CHST9: variants seen among roughly 807,000 people sequenced by gnomAD.
The protein encoded by CHST9 is GalNAc-4-sulfotransferase 2.
CHST9 carries 41 observed loss-of-function variants against 44.4 expected under a neutral mutation model. The ratio of observed to expected loss-of-function variants is 0.92; its 90% CI spans 0.72 to 1.20. The LOEUF (loss-of-function observed/expected upper bound fraction) is 1.20. Among genes scored for constraint, CHST9 ranks in the 50% most tolerant of loss-of-function variants. The pLI, the probability that CHST9 is intolerant of heterozygous loss-of-function variation, is 0.00. For synonymous variants in CHST9, 171 were observed against 178.4 expected, an observed-to-expected ratio of 0.96 and a Z score of 0.33; for missense variants, 504 against 516.5, an observed-to-expected ratio of 0.98 and a Z score of 0.23.
chr18:27,004,389 T>C lies in CHST9; in HGVS notation c.202+19727A>G, dbSNP rs555754397. Among the ~76,000 whole-genome samples, 31 of 152,056 alleles carry C rather than the reference T, an allele frequency of 2.0e-4. No homozygotes were observed. The South Asian group carries it at 6.0e-3, about 30-fold the overall frequency. On this transcript the variant is annotated intron_variant, in intron 4 of 5. Transcript: ENST00000618847. ...ATTTCTTTCCTTAACAACACATTTGTGCTTCCAGTGGTAAAAGGCAGAGGC... is the reference window on the plus strand; with the variant it reads ...ATTTCTTTCCTTAACAACACATTTGCGCTTCCAGTGGTAAAAGGCAGAGGC...
At chr18:27,183,306 CAT>C (rs1428320254) in intron 1 of CHST9, among the ~76,000 whole-genome samples, 1 of 152,136 alleles carries the variant, frequency 6.6e-6, no homozygotes, top group African/African-American at 2.4e-5. Flanking sequence ...TCAGGATAGT[CAT>C]GGGAATGTAT....
At chr18:27,105,129 A>G (rs1390288881) in intron 2 of CHST9, among the ~76,000 whole-genome samples, 1 of 151,986 alleles carries the variant, frequency 6.6e-6, no homozygotes, top group Non-Finnish European at 1.5e-5. Flanking sequence ...CATGTGAGGC[A>G]TTAGTAAAAT....
chr18:27,030,614 C>G (rs1057434567), intron 3 of CHST9, among the ~76,000 whole-genome samples: 1 of 152,222 alleles, frequency 6.6e-6, no homozygotes, highest in Non-Finnish European at 1.5e-5. Context: ...TGCCGGCTGC[C>G]GGGTGTGCTT....
intron 1 of CHST9, among the ~76,000 whole-genome samples, chr18:27,179,534 G>C (rs2058895058): frequency 6.6e-6 from 1 of 152,020 alleles, no homozygotes; most frequent in Admixed American, 6.6e-5. Context: ...TATGTTCAGG[G>C]TTGTCACAAA....
intron 4 of CHST9, among the ~76,000 whole-genome samples, chr18:26,997,022 GC>G (rs1248251263): frequency 3.3e-5 from 5 of 152,178 alleles, no homozygotes; most frequent in African/African-American, 1.2e-4. Context: ...ATGAGTCATA[GC>G]ATGGGTCTGG....
chr18:27,051,529 G>A (rs1356071291), intron 2 of CHST9, among the ~76,000 whole-genome samples: 1 of 152,130 alleles, frequency 6.6e-6, no homozygotes, highest in Non-Finnish European at 1.5e-5. Context: ...CCTATGGAGA[G>A]GTCCATGTGG....
chr18:26,922,347 A>G (rs912423355), intron 5 of CHST9, among the ~76,000 whole-genome samples: 2 of 152,186 alleles, frequency 1.3e-5, no homozygotes, highest in African/African-American at 2.4e-5. Context: ...TGAAATGACT[A>G]TAGCACTTAG....
chr18:26,937,349 A>T (rs1053271216), intron 5 of CHST9, among the ~76,000 whole-genome samples: 1 of 152,166 alleles, frequency 6.6e-6, no homozygotes, highest in Non-Finnish European at 1.5e-5. Flanking sequence ...ACATCATAAA[A>T]ATCTGTATTC....
chr18:26,988,360 A>G (rs73402835), intron 4 of CHST9, among the ~76,000 whole-genome samples: 1 of 152,324 alleles, frequency 6.6e-6, no homozygotes, highest in African/African-American at 2.4e-5. Context: ...AAAAAGATAT[A>G]CCATTGTAAA....
chr18:27,045,866 A>G (rs896240286), intron 3 of CHST9, among the ~76,000 whole-genome samples: 1 of 152,084 alleles, frequency 6.6e-6, no homozygotes, highest in Non-Finnish European at 1.5e-5. Context: ...AATAGACTAC[A>G]GGACAGTTTT....
chr18:26,942,489 A>AT (rs1341337011), intron 5 of CHST9, among the ~76,000 whole-genome samples: 1 of 152,222 alleles, frequency 6.6e-6, no homozygotes, highest in Non-Finnish European at 1.5e-5. Flanking sequence ...AATATTTAAG[A>AT]TTATGAGTAA....
chr18:27,055,053 T>G (rs928917199), intron 2 of CHST9, among the ~76,000 whole-genome samples: 4 of 152,140 alleles, frequency 2.6e-5, no homozygotes, highest in African/African-American at 9.7e-5. Flanking sequence ...TAGCCAATTC[T>G]GAGTTTGCGT....
intron 4 of CHST9, among the ~76,000 whole-genome samples, chr18:27,009,330 G>T (rs1353345000): frequency 6.6e-6 from 1 of 152,104 alleles, no homozygotes; most frequent in Non-Finnish European, 1.5e-5. Flanking sequence ...ACATGACAAA[G>T]AACTCTTTCC....
At chr18:26,918,635 G>GTGAA (rs2055585537) in intron 5 of CHST9, among the ~76,000 whole-genome samples, 1 of 152,076 alleles carries the variant, frequency 6.6e-6, no homozygotes, top group African/African-American at 2.4e-5. Flanking sequence ...GAATGAACAA[G>GTGAA]TGAATGAATG....
chr18:27,140,759 G>A (rs1031185251), intron 2 of CHST9, among the ~76,000 whole-genome samples: 2 of 152,014 alleles, frequency 1.3e-5, no homozygotes, highest in East Asian at 1.9e-4. Flanking sequence ...TATTTCAGGA[G>A]GAATTAGCCT....
rs537553025 is a variant in CHST9 at position 27,101,742 on chromosome 18, C to T, written c.121+40947G>A. Among the ~76,000 whole-genome samples, 4 of 152,246 alleles carry T rather than the reference C, an allele frequency of 2.6e-5. No individual in the cohort carries two copies. The East Asian group carries it at 7.7e-4, about 29-fold the overall frequency. On this transcript the variant is annotated intron_variant, in intron 2 of 5. Transcript: ENST00000618847. ...TATCACTGCAAATACTTTAACTTACCTTTCTGAGAAACTGTATATCCTAAC... is the reference window on the plus strand; with the variant it reads ...TATCACTGCAAATACTTTAACTTACTTTTCTGAGAAACTGTATATCCTAAC...
At chr18:26,964,130 A>G (rs2056434798) in intron 4 of CHST9, among the ~76,000 whole-genome samples, 1 of 152,150 alleles carries the variant, frequency 6.6e-6, no homozygotes, top group Admixed American at 6.5e-5. Context: ...CAAGTTGGAC[A>G]ACATTTATTA....
chr18:27,029,063 A>C (rs2057313278), intron 3 of CHST9, among the ~76,000 whole-genome samples: 1 of 152,096 alleles, frequency 6.6e-6, no homozygotes, highest in Non-Finnish European at 1.5e-5. Context: ...GCTCCCTCCC[A>C]TTATGCGTTA....
rs182390300 is a variant in CHST9 at position 27,172,494 on chromosome 18, A to C, written c.-97+12642T>G. 3.9e-5 allele frequency among the ~76,000 whole-genome samples: 6 copies of C among 152,114 alleles called. No homozygotes were observed. In the East Asian group the frequency reaches 1.2e-3, roughly 29 times the overall value. On this transcript the variant is annotated intron_variant, in intron 1 of 5. Coordinates refer to ENST00000618847, the MANE Select transcript of CHST9 (RefSeq NM_031422.6). ...GCTGTTATATTATTACCTTTATTTT[A>C]AGATAATCAGTACTTCTTAAGAACA...
Sources: gnomAD v4.1 joint callset for allele counts (sites outside exome capture counted in the v4.1 genomes callset) on GRCh38, gnomAD v4.1.1 for gene constraint, MANE v1.5 for transcripts, NCBI Gene and HGNC (gene_info 2026-07-23, HGNC 2026-07-21) for gene names.